INPP5A: variants seen among roughly 807,000 people sequenced by gnomAD.
INPP5A encodes 43 kDa inositol polyphosphate 5-phophatase.
Under a neutral mutation model 65.2 loss-of-function variants are expected in INPP5A, and 14 were observed. The ratio of observed to expected loss-of-function variants is 0.21; its 90% CI spans 0.14 to 0.34. The LOEUF (loss-of-function observed/expected upper bound fraction) is 0.34. Ranked by LOEUF, INPP5A falls within the 10% of genes least tolerant of loss-of-function variation. The probability of loss-of-function intolerance (pLI) is 1.00; values close to 1 mark genes in which losing one functional copy is unlikely to be tolerated. For missense variants in INPP5A, 431 were observed against 545.6 expected (o/e 0.79, Z 2.09); for synonymous variants, 207 against 208.3 (o/e 0.99, Z 0.05).
At chr10:132,724,015 TA>T (rs1465329374) in intron 8 of INPP5A, among the ~76,000 whole-genome samples, 3 of 152,164 alleles carry the variant, frequency 2.0e-5, no homozygotes, top group African/African-American at 7.2e-5. Flanking sequence ...ATTAAAAAGG[TA>T]AACAAGACTT....
At position 132,650,321 on chromosome 10, in the gene INPP5A, C is replaced by T; in HGVS notation, c.219-97C>T. ...GGGTGGATGGTCTCACGGTGATGTA[C>T]CTATGTGCTGGAGCCCCTCTTATAC... is the stretch of plus-strand genomic sequence containing the variant. On this transcript the variant is annotated intron_variant, in intron 3 of 15. Coordinates refer to ENST00000368594, the MANE Select transcript of INPP5A (RefSeq NM_005539.5). This position sits in a 1 kb window ranked among gnomAD's most constrained non-coding sequence, Gnocchi z 5.5. The T allele has an allele frequency of 1.3e-6, 1 of 798,216 alleles. No individual in the cohort carries two copies. Among genetic ancestry groups the T allele is most frequent in the Admixed American group, 1.8e-5 (1 of 56,580 alleles). 49.4% of individuals were successfully genotyped at this position (798,216 alleles called of 1,614,324 possible).
intron 8 of INPP5A, among the ~76,000 whole-genome samples, 161 bp from the exon 9 acceptor site, chr10:132,726,660 G>T (rs1488674043): frequency 2.6e-5 from 4 of 152,152 alleles, no homozygotes; most frequent in Admixed American, 1.3e-4. Flanking sequence ...TGGTCTCAGA[G>T]CTGAATTTTG....
chr10:132,650,556 A>C lies in INPP5A; in HGVS notation c.306+51A>C. On this transcript the variant is annotated intron_variant, in intron 4 of 15. Transcript: ENST00000368594. This position sits in a 1 kb window ranked among gnomAD's most constrained non-coding sequence, Gnocchi z 5.5. ...AGGGGTCAGACAGGCTGGCCTTGGC[A>C]GAAGCCAGCCCTTCTCCTGTGTAAA... The C allele has an allele frequency of 7.6e-7, 1 of 1,309,160 alleles. No homozygotes were observed. 81.1% of individuals were successfully genotyped at this position (1,309,160 alleles called of 1,614,324 possible). A position where few individuals can be genotyped will look rare whatever the true frequency, so the allele number is the denominator to read the frequency against.
chr10:132,619,536 C>T (rs898707786), intron 2 of INPP5A, among the ~76,000 whole-genome samples: 1 of 152,112 alleles, frequency 6.6e-6, no homozygotes, highest in Non-Finnish European at 1.5e-5. Flanking sequence ...GGATGGTGGC[C>T]CCCTGCTCAC....
At chr10:132,694,666 AAGAG>A (rs1398362137) in intron 5 of INPP5A, among the ~76,000 whole-genome samples, 2 of 152,318 alleles carry the variant, frequency 1.3e-5, no homozygotes, top group Middle Eastern at 3.4e-3. Flanking sequence ...GACTAAGAAA[AAGAG>A]AGAGAAGACA....
At chr10:132,765,128 G>C (rs1011166905) in intron 11 of INPP5A, among the ~76,000 whole-genome samples, 5 of 151,878 alleles carry the variant, frequency 3.3e-5, no homozygotes, top group Non-Finnish European at 5.9e-5. Context: ...AACATGGTCG[G>C]GCCAGTCCTG....
At position 132,644,072 on chromosome 10, in the gene INPP5A, T is replaced by TC. The variant is rs2072461618; in HGVS notation, c.118-1795dup. The stretch of plus-strand genomic sequence containing the variant: ...CTCAGACCACCGGCACCAAGGGTTG[T>TC]CTGTTTTCAGAACTTCTGTTGTTTT... On this transcript the variant is annotated intron_variant, in intron 2 of 15. Coordinates refer to ENST00000368594, the MANE Select transcript of INPP5A (RefSeq NM_005539.5). The surrounding 1 kb of genome is among the most constrained non-coding windows in gnomAD (Gnocchi z 6.5). 6.6e-6 allele frequency among the ~76,000 whole-genome samples: 1 copy of TC among 152,056 alleles called. No individual in the cohort carries two copies. Among genetic ancestry groups the TC allele is most frequent in the African/African-American group, 2.4e-5 (1 of 41,378 alleles).
At position 132,705,620 on chromosome 10, in the gene INPP5A, A is replaced by G. The variant is rs1398314521; in HGVS notation, c.475-2693A>G. On this transcript the variant is annotated intron_variant, in intron 6 of 15. Coordinates refer to ENST00000368594, the MANE Select transcript of INPP5A (RefSeq NM_005539.5). This position sits in a 1 kb window ranked among gnomAD's most constrained non-coding sequence, Gnocchi z 4.9. ...ATGCTCAATTCTTCTGGAAGCCTAA[A>G]GCTGCTCTGAAAAATAAAGCCTATT... is the stretch of plus-strand genomic sequence containing the variant. 6.6e-6 allele frequency among the ~76,000 whole-genome samples: 1 copy of G among 152,260 alleles called. No homozygotes were observed. Among genetic ancestry groups the G allele is most frequent in the Non-Finnish European group, 1.5e-5 (1 of 68,046 alleles).
At chr10:132,682,873 T>C (rs2073064870) in intron 4 of INPP5A, among the ~76,000 whole-genome samples, 1 of 151,008 alleles carries the variant, frequency 6.6e-6, no homozygotes, top group South Asian at 2.1e-4. Context: ...TATATACATA[T>C]GCACGCACGT....
intron 1 of INPP5A, among the ~76,000 whole-genome samples, chr10:132,539,472 C>T (rs1204580587): frequency 1.3e-5 from 2 of 152,118 alleles, no homozygotes; most frequent in Non-Finnish European, 2.9e-5. Flanking sequence ...GCCTCATTCC[C>T]ACCCAGGATC....
At chr10:132,719,696 T>A (rs919747535) in intron 8 of INPP5A, among the ~76,000 whole-genome samples, 2 of 150,706 alleles carry the variant, frequency 1.3e-5, no homozygotes, top group African/African-American at 4.9e-5. Flanking sequence ...GCAGGTTCTG[T>A]GGTACCTGGG....
intron 11 of INPP5A, among the ~76,000 whole-genome samples, chr10:132,756,384 G>C (rs1565002635): frequency 6.6e-6 from 1 of 152,122 alleles, no homozygotes; most frequent in Non-Finnish European, 1.5e-5. Context: ...GTGTGTGTAT[G>C]TGTGCGTGTA....
rs983743054 is a variant in INPP5A, at chr10:132,727,618, G to A, written c.732+713G>A. On this transcript the variant is annotated intron_variant, in intron 9 of 15. Transcript: ENST00000368594. The surrounding 1 kb of genome is among the most constrained non-coding windows in gnomAD (Gnocchi z 6.5). Reference sequence around the variant, plus strand: ...CATGACTTGGGATTCCACTTCCCGGGCAGCTGTGAAGAGGGGGGTGTGGGA... The same window carrying A: ...CATGACTTGGGATTCCACTTCCCGGACAGCTGTGAAGAGGGGGGTGTGGGA... 3.9e-5 allele frequency among the ~76,000 whole-genome samples: 6 copies of A among 152,286 alleles called. No homozygotes were observed. Among genetic ancestry groups the A allele is most frequent in the African/African-American group, 1.4e-4 (6 of 41,550 alleles).
intron 4 of INPP5A, among the ~76,000 whole-genome samples, chr10:132,671,502 C>T (rs1230643083): frequency 1.3e-5 from 2 of 152,168 alleles, no homozygotes; most frequent in African/African-American, 2.4e-5. Flanking sequence ...CTTTCTGCTT[C>T]GGTATCTACC....
intron 7 of INPP5A, among the ~76,000 whole-genome samples, chr10:132,708,850 T>C (rs1310045208): frequency 6.6e-6 from 1 of 152,172 alleles, no homozygotes; most frequent in Non-Finnish European, 1.5e-5. Flanking sequence ...CCGCCCCACC[T>C]TTTCTGCATC....
At chr10:132,558,311 C>T (rs1324662281) in intron 1 of INPP5A, among the ~76,000 whole-genome samples, 4 of 152,224 alleles carry the variant, frequency 2.6e-5, no homozygotes, top group East Asian at 1.9e-4. Flanking sequence ...CTCTCCCCCC[C>T]GGCCCACGCT....
chr10:132,719,436 C>A (rs1176188721), intron 8 of INPP5A, among the ~76,000 whole-genome samples: 1 of 149,726 alleles, frequency 6.7e-6, no homozygotes, highest in Admixed American at 6.7e-5. Flanking sequence ...CTTCAGGGTT[C>A]TGTGGTACCT....
Position 132,697,853 on chromosome 10 carries a change from C to T in INPP5A, c.408C>T (p.Tyr136=). 6.2e-7 allele frequency: 1 copy of T among 1,613,926 alleles called. No homozygotes were observed. Among genetic ancestry groups the T allele is most frequent in the East Asian group, 2.2e-5 (1 of 44,882 alleles). Reference sequence around the variant, plus strand: ...GAAAGGTCGCTGGCAAAGAGATCTACTCGGATACCTTAGAGAGCACGCCCA... The same window carrying T: ...GAAAGGTCGCTGGCAAAGAGATCTATTCGGATACCTTAGAGAGCACGCCCA... ...KYRKVAGKEI[Y]SDTLESTPML... is the part of the protein sequence containing the mutation. Residue 136 remains tyrosine (Y), a synonymous_variant, in exon 6 of 16, where the codon TAC becomes TAT. Coordinates refer to ENST00000368594, the MANE Select transcript of INPP5A (RefSeq NM_005539.5). This position sits in a 1 kb window ranked among gnomAD's most constrained non-coding sequence, Gnocchi z 5.6.
intron 1 of INPP5A, among the ~76,000 whole-genome samples, chr10:132,552,691 G>T: frequency 6.8e-6 from 1 of 146,890 alleles, no homozygotes; most frequent in South Asian, 2.2e-4. Context: ...AGGGAGGATT[G>T]GTGAACGCCT....
Sources: allele counts gnomAD v4.1 joint callset (sites outside exome capture counted in the v4.1 genomes callset), GRCh38; gene constraint gnomAD v4.1.1; non-coding constraint Gnocchi (gnomAD v3.1); transcripts MANE v1.5; gene names NCBI Gene and HGNC (gene_info 2026-07-23, HGNC 2026-07-21).